Variants in MTDH observed in about 807,000 individuals in gnomAD.
The protein encoded by MTDH is metadherin, also known as protein LYRIC.
A neutral mutation model predicts 72.7 loss-of-function variants in MTDH; 34 were observed. That is an observed-to-expected ratio of 0.47 (90% CI 0.36 to 0.62). MTDH has a LOEUF of 0.62. MTDH is among the 20% of genes least tolerant of loss of function. The pLI is 0.00. For missense variants in MTDH, 677 were observed against 699.4 expected, an observed-to-expected ratio of 0.97 and a Z score of 0.36; for synonymous variants, 266 against 268.9, an observed-to-expected ratio of 0.99 and a Z score of 0.10.
chr8:97,700,317 C>G (rs546212129), intron 7 of MTDH, among the ~76,000 whole-genome samples: 1 of 151,972 alleles, frequency 6.6e-6, no homozygotes, highest in Non-Finnish European at 1.5e-5. Flanking sequence ...AAAGCTCATG[C>G]CGTCTTCATT....
At position 97,727,375 on chromosome 8, in the gene MTDH, C is replaced by G. The variant is rs906193329; in HGVS notation, c.*2705C>G. 1 of 151,986 alleles carries G rather than the reference C, an allele frequency of 6.6e-6. No individual in the cohort carries two copies. The highest frequency in any genetic ancestry group is 2.4e-5 in the African/African-American group (1 of 41,274). The allele number at this position is 151,986 out of a possible 1,614,324, so 9.4% of individuals were successfully genotyped here. A position where few individuals can be genotyped will look rare whatever the true frequency, so the allele number is the denominator to read the frequency against. On this transcript the variant is annotated 3_prime_UTR_variant, in exon 12 of 12. Transcript: ENST00000336273. Reference sequence around the variant, plus strand: ...AGTAGATGGGTGTGGTAGTGGGCGCCTGTAATCCCAGCTACTCAGGAGGTT... The same window carrying G: ...AGTAGATGGGTGTGGTAGTGGGCGCGTGTAATCCCAGCTACTCAGGAGGTT...
chr8:97,707,449 CTTTTTTTTTTTTT>C (rs35528230), intron 8 of MTDH, among the ~76,000 whole-genome samples: 4 of 80,206 alleles, frequency 5.0e-5, no homozygotes, highest in Non-Finnish European at 4.3e-5. Context: ...CATGCCTGGC[CTTTTTTTTTTTTT>C]TTTTTTTTTT....
At chr8:97,660,863 C>T (rs996719459) in intron 1 of MTDH, among the ~76,000 whole-genome samples, 4 of 151,330 alleles carry the variant, frequency 2.6e-5, no homozygotes, top group African/African-American at 9.7e-5. Context: ...ATCTGTGGTA[C>T]AGAATTTTGC....
chr8:97,702,977 A>G (rs185685104), intron 7 of MTDH, among the ~76,000 whole-genome samples: 6 of 152,376 alleles, frequency 3.9e-5, no homozygotes, highest in Admixed American at 2.0e-4. Flanking sequence ...TTTAGCGATA[A>G]GAAATTATAA....
rs118049748 is a variant in MTDH, at chr8:97,655,670, G to T, written c.382-5402G>T. Among the ~76,000 whole-genome samples the T allele has an allele frequency of 2.4e-3, 360 of 152,268 alleles. 9 individuals carry two copies. The East Asian group carries it at 0.065, about 28-fold the overall frequency. On this transcript the variant is annotated intron_variant, in intron 1 of 11. Coordinates refer to ENST00000336273, the MANE Select transcript of MTDH (RefSeq NM_178812.4). The stretch of plus-strand genomic sequence containing the variant: ...AGCTTTGGAGAGAAAAGGGTAGACG[G>T]GCCAGGTGCAGTGGCTTATACCTGT...
chr8:97,689,478 G>A (rs1421869046), intron 5 of MTDH, among the ~76,000 whole-genome samples: 4 of 147,026 alleles, frequency 2.7e-5, no homozygotes, highest in South Asian at 2.2e-4. Flanking sequence ...AAAAAAAAAA[G>A]CTTTAGTTCC....
intron 10 of MTDH, 119 bp downstream of exon 10, chr8:97,719,308 C>T: frequency 1.0e-6 from 1 of 961,976 alleles, no homozygotes; most frequent in African/African-American, 1.7e-5. Context: ...GCCTGGCCAA[C>T]ATAGTGAAAC....
rs1815408985 is a variant in MTDH at position 97,727,639 on chromosome 8, TA to T, written c.*2970del. 1 of 151,974 alleles carries T rather than the reference TA, an allele frequency of 6.6e-6. No individual in the cohort carries two copies. 9.4% of individuals were successfully genotyped at this position (151,974 alleles called of 1,614,324 possible). On this transcript the variant is annotated 3_prime_UTR_variant, in exon 12 of 12. Transcript: ENST00000336273. ...ATGAATAAGATGCTTCCAGAACTAG[TA>T]GGGAAATAACTAACCTCTTCAGGCT...
At chr8:97,709,019 C>T (rs969596630) in intron 8 of MTDH, among the ~76,000 whole-genome samples, 10 of 151,918 alleles carry the variant, frequency 6.6e-5, no homozygotes, top group South Asian at 4.1e-4. Context: ...GGTGAAACCC[C>T]GTCTCTGCTG....
intron 3 of MTDH, 50 bp from the exon 4 acceptor site, chr8:97,687,379 T>A: frequency 6.7e-7 from 1 of 1,495,482 alleles, no homozygotes; most frequent in East Asian, 2.3e-5. Flanking sequence ...AACTATAACT[T>A]TTTTGTCTTC....
intron 2 of MTDH, among the ~76,000 whole-genome samples, chr8:97,670,517 G>A (rs1812569106): frequency 1.3e-5 from 2 of 152,144 alleles, no homozygotes; most frequent in African/African-American, 4.8e-5. Flanking sequence ...CCAGCCACTT[G>A]GGAGGCTAAG....
chr8:97,670,958 T>TG (rs1812594630), intron 2 of MTDH, among the ~76,000 whole-genome samples: 1 of 132,468 alleles, frequency 7.5e-6, no homozygotes, highest in African/African-American at 2.8e-5. Flanking sequence ...TGTTGTTTTT[T>TG]TTTTTTTTTT....
At chr8:97,659,837 T>G (rs1812112222) in intron 1 of MTDH, among the ~76,000 whole-genome samples, 2 of 152,276 alleles carry the variant, frequency 1.3e-5, no homozygotes, top group African/African-American at 4.8e-5. Context: ...CTCAGTCTGG[T>G]GATGGGGCTC....
At chr8:97,710,794 G>A (rs1554582106) in intron 8 of MTDH, among the ~76,000 whole-genome samples, 2 of 151,346 alleles carry the variant, frequency 1.3e-5, no homozygotes, top group Non-Finnish European at 2.9e-5. Flanking sequence ...GAGGTCAGGA[G>A]TTTGAGACCA....
At chr8:97,674,211 C>G (rs942629245) in intron 2 of MTDH, among the ~76,000 whole-genome samples, 3 of 152,138 alleles carry the variant, frequency 2.0e-5, no homozygotes, top group African/African-American at 4.8e-5. Flanking sequence ...AGATAAAGTG[C>G]AGGTTGTGGG....
chr8:97,679,997 A>G (rs1359985268), intron 2 of MTDH, among the ~76,000 whole-genome samples: 1 of 152,192 alleles, frequency 6.6e-6, no homozygotes, highest in African/African-American at 2.4e-5. Flanking sequence ...CTTATTCAGT[A>G]TATATCTTTG....
chr8:97,679,931 A>T (rs142287184), intron 2 of MTDH, among the ~76,000 whole-genome samples: 56 of 152,340 alleles, frequency 3.7e-4, no homozygotes, highest in African/African-American at 1.3e-3. Flanking sequence ...TCCTAATAAG[A>T]TACTAGAATT....
chr8:97,723,535 A>T lies in MTDH; in HGVS notation c.1678+500A>T, dbSNP rs1396817887. 4.7e-5 allele frequency among the ~76,000 whole-genome samples: 7 copies of T among 147,924 alleles called. No individual in the cohort carries two copies. In the South Asian group the frequency reaches 1.5e-3, roughly 32 times the overall value. On this transcript the variant is annotated intron_variant, in intron 11 of 11. Coordinates refer to ENST00000336273, the MANE Select transcript of MTDH (RefSeq NM_178812.4). The stretch of plus-strand genomic sequence containing the variant: ...GAGGCGGGCGGATCACTAGGTCAGG[A>T]GATCGAGACCATCCTGGCTAACATG...
chr8:97,678,718 C>T (rs1812954759), intron 2 of MTDH, among the ~76,000 whole-genome samples: 1 of 149,648 alleles, frequency 6.7e-6, no homozygotes, highest in Non-Finnish European at 1.5e-5. Context: ...GGATTACAGG[C>T]ATGAGCCACC....
Sources: allele counts gnomAD v4.1 joint callset (sites outside exome capture counted in the v4.1 genomes callset), GRCh38; gene constraint gnomAD v4.1.1; transcripts MANE v1.5; gene names NCBI Gene and HGNC (gene_info 2026-07-23, HGNC 2026-07-21).